The following BCAS3 variants were observed in gnomAD, a reference collection of about 807,000 sequenced individuals.
BCAS3 encodes the protein BCAS4/BCAS3 fusion.
In BCAS3, 53 loss-of-function variants were observed where a neutral mutation model predicts 116.1. The ratio of observed to expected loss-of-function variants is 0.46; its 90% confidence interval spans 0.37 to 0.57. BCAS3 has a LOEUF of 0.57. Ranked by LOEUF, BCAS3 falls within the 20% of genes least tolerant of loss-of-function variation. The pLI, the probability that BCAS3 is intolerant of heterozygous loss-of-function variation, is 0.00. For missense variants in BCAS3, 917 were observed against 1,165.4 expected (o/e 0.79, Z 3.10); for synonymous variants, 391 against 408.2 (o/e 0.96, Z 0.51).
chr17:60,807,460 A>C (rs1568294715), intron 6 of BCAS3, among the ~76,000 whole-genome samples: 2 of 152,128 alleles, frequency 1.3e-5, no homozygotes, highest in Non-Finnish European at 2.9e-5. Context: ...TATAAGATTG[A>C]AATTGGTGCC....
At chr17:61,240,325 C>T (rs192117980) in intron 22 of BCAS3, among the ~76,000 whole-genome samples, 123 of 152,236 alleles carry the variant, frequency 8.1e-4, no homozygotes, top group Admixed American at 4.8e-3. Flanking sequence ...TTCCAAGGTC[C>T]ATATTCTTTT....
rs2080466975 is a variant in BCAS3 at position 61,196,180 on chromosome 17, G to C, written c.2425+111616G>C. 6.6e-6 allele frequency among the ~76,000 whole-genome samples: 1 copy of C among 152,156 alleles called. No homozygotes were observed. Among genetic ancestry groups the C allele is most frequent in the Non-Finnish European group, 1.5e-5 (1 of 68,028 alleles). On this transcript the variant is annotated intron_variant, in intron 22 of 23. Coordinates refer to ENST00000407086, the MANE Select transcript of BCAS3 (RefSeq NM_017679.5). The surrounding 1 kb of genome is among the most constrained non-coding windows in gnomAD (Gnocchi z 4.7). ...ACCCTATCTGAAATCAGTGTAGTCT[G>C]AACTACTAGAGAGACGTTATTCCGT...
intron 6 of BCAS3, among the ~76,000 whole-genome samples, chr17:60,775,818 GT>G (rs2045231549): frequency 6.6e-6 from 1 of 152,146 alleles, no homozygotes; most frequent in Admixed American, 6.5e-5. Flanking sequence ...GTAAATGAAA[GT>G]TTTTGGCAGT....
intron 22 of BCAS3, among the ~76,000 whole-genome samples, chr17:61,108,078 C>T (rs2074789953): frequency 6.6e-6 from 1 of 151,998 alleles, no homozygotes. Flanking sequence ...TCAGGGTTTG[C>T]TTCATATGTT....
In BCAS3 at chr17:61,259,713, G is replaced by A. The variant is rs553851707; in HGVS notation, c.2426-108614G>A. On this transcript the variant is annotated intron_variant, in intron 22 of 23. Transcript: ENST00000407086. The surrounding 1 kb of genome is among the most constrained non-coding windows in gnomAD (Gnocchi z 4.7). ...GGCACCAGCCTTAGAGTGGGCAGTC[G>A]TTCATTACTGGCCTAGGACAATCAT... is the stretch of plus-strand genomic sequence containing the variant. Among the ~76,000 whole-genome samples the A allele has an allele frequency of 7.2e-5, 11 of 152,182 alleles. No individual in the cohort carries two copies. Among genetic ancestry groups the A allele is most frequent in the Admixed American group, 2.6e-4 (4 of 15,286 alleles).
intron 9 of BCAS3, among the ~76,000 whole-genome samples, chr17:60,879,832 T>C (rs887552198): frequency 6.6e-6 from 1 of 152,230 alleles, no homozygotes; most frequent in African/African-American, 2.4e-5. Flanking sequence ...AAATGCAAAA[T>C]TATCTTTAAG....
chr17:61,178,119 A>T (rs2079252616), intron 22 of BCAS3, among the ~76,000 whole-genome samples: 1 of 152,192 alleles, frequency 6.6e-6, no homozygotes, highest in South Asian at 2.1e-4. Context: ...ATTAAAATTC[A>T]CAGGTTCTGG....
chr17:61,228,431 G>A lies in BCAS3; in HGVS notation c.2426-139896G>A, dbSNP rs1321556101. Among the ~76,000 whole-genome samples the A allele has an allele frequency of 3.3e-5, 5 of 152,140 alleles. No homozygotes were observed. Among genetic ancestry groups the A allele is most frequent in the Non-Finnish European group, 7.3e-5 (5 of 68,030 alleles). On this transcript the variant is annotated intron_variant, in intron 22 of 23. Coordinates refer to ENST00000407086, the MANE Select transcript of BCAS3 (RefSeq NM_017679.5). The surrounding 1 kb of genome is among the most constrained non-coding windows in gnomAD (Gnocchi z 5.0). ...AAGTATAGGCACACCTCATTTTACTGCATTTTGCTTGATTGTGCTTCACAG... is the reference window on the plus strand; with the variant it reads ...AAGTATAGGCACACCTCATTTTACTACATTTTGCTTGATTGTGCTTCACAG...
rs546231910 is a variant in BCAS3, at chr17:60,771,783, A to G, written c.403+24504A>G. On this transcript the variant is annotated intron_variant, in intron 6 of 23. Transcript: ENST00000407086. ...TGTTCTCATTGTTCAGTTCCCAACT[A>G]TGAGTGAGAACATGCAGTGTTTGGT... 9.2e-4 allele frequency among the ~76,000 whole-genome samples: 139 copies of G among 151,566 alleles called. 1 individual carries two copies. The highest frequency in any genetic ancestry group is 1.3e-3 in the Non-Finnish European group (87 of 68,018).
intron 6 of BCAS3, among the ~76,000 whole-genome samples, chr17:60,753,645 G>A (rs927230533): frequency 1.3e-5 from 2 of 151,954 alleles, no homozygotes; most frequent in South Asian, 2.1e-4. Context: ...ACCTGACCTC[G>A]TGATCTGCCT....
intron 23 of BCAS3, among the ~76,000 whole-genome samples, chr17:61,375,284 T>C (rs1452180011): frequency 1.4e-5 from 2 of 145,416 alleles, no homozygotes; most frequent in Non-Finnish European, 3.0e-5. Flanking sequence ...TTTAAGACTG[T>C]AAAAAGTAAG....
intron 11 of BCAS3, among the ~76,000 whole-genome samples, chr17:60,903,060 G>A (rs1449981299): frequency 1.3e-5 from 2 of 152,134 alleles, no homozygotes; most frequent in Non-Finnish European, 2.9e-5. Flanking sequence ...TTTATATCAA[G>A]GGGCTGCCCC....
intron 14 of BCAS3, among the ~76,000 whole-genome samples, chr17:60,953,547 C>T (rs1029582791): frequency 2.0e-5 from 3 of 151,890 alleles, no homozygotes; most frequent in Non-Finnish European, 4.4e-5. Flanking sequence ...GTTTCTTTTG[C>T]TGTGCAGAAG....
chr17:60,747,777 A>G (rs1288676907), intron 6 of BCAS3, among the ~76,000 whole-genome samples: 1 of 152,160 alleles, frequency 6.6e-6, no homozygotes, highest in Non-Finnish European at 1.5e-5. Flanking sequence ...TACTGTCTGC[A>G]TCTACAGCTA....
At chr17:60,892,219 A>C (rs918859486) in intron 10 of BCAS3, among the ~76,000 whole-genome samples, 3 of 152,010 alleles carry the variant, frequency 2.0e-5, no homozygotes, top group African/African-American at 7.3e-5. Context: ...TCTTTGAGAA[A>C]TCTCCATACT....
At chr17:60,830,487 T>G (rs1008681860) in intron 7 of BCAS3, among the ~76,000 whole-genome samples, 4 of 152,192 alleles carry the variant, frequency 2.6e-5, no homozygotes, top group African/African-American at 9.7e-5. Context: ...GGAAAGGTCA[T>G]GCTAAGTGAA....
At chr17:60,982,227 AAAACAAAAT>A (rs1402930728) in intron 14 of BCAS3, among the ~76,000 whole-genome samples, 3 of 152,160 alleles carry the variant, frequency 2.0e-5, no homozygotes, top group African/African-American at 7.2e-5. Context: ...TTCTACCTTG[AAAACAAAAT>A]AAACAAAATA....
rs771304243 is a variant in BCAS3 at position 61,285,107 on chromosome 17, G to A, written c.2426-83220G>A. ...CTCGGGGTCTCTTCTGTCCCCTAGT[G>A]ATTCAAACCAGCTATCCTGAAACTG... is the stretch of plus-strand genomic sequence containing the variant. On this transcript the variant is annotated intron_variant, in intron 22 of 23. Transcript: ENST00000407086. This position sits in a 1 kb window ranked among gnomAD's most constrained non-coding sequence, Gnocchi z 5.4. Among the ~76,000 whole-genome samples the A allele has an allele frequency of 6.6e-6, 1 of 152,142 alleles. No individual in the cohort carries two copies. The highest frequency in any genetic ancestry group is 1.5e-5 in the Non-Finnish European group (1 of 68,028).
In BCAS3 at chr17:61,241,289, C is replaced by T. The variant is rs2047492488; in HGVS notation, c.2426-127038C>T. ...AGCTAGTGAGTGAGCCTGTTTACCA[C>T]CAAGTACCCACGTCTTCCTTTGGCT... On this transcript the variant is annotated intron_variant, in intron 22 of 23. Transcript: ENST00000407086. The surrounding 1 kb of genome is among the most constrained non-coding windows in gnomAD (Gnocchi z 4.6). 1.3e-5 allele frequency among the ~76,000 whole-genome samples: 2 copies of T among 152,084 alleles called. No individual in the cohort carries two copies. The highest frequency in any genetic ancestry group is 4.8e-5 in the African/African-American group (2 of 41,408).
Sources: allele counts gnomAD v4.1 joint callset (sites outside exome capture counted in the v4.1 genomes callset), GRCh38; gene constraint gnomAD v4.1.1; non-coding constraint Gnocchi (gnomAD v3.1); transcripts MANE v1.5; gene names NCBI Gene and HGNC (gene_info 2026-07-23, HGNC 2026-07-21).